Variants in PDE7A observed in about 807,000 individuals in gnomAD.
PDE7A encodes high affinity 3',5'-cyclic-AMP phosphodiesterase 7A.
PDE7A carries 39 observed loss-of-function variants against 64.3 expected under a neutral mutation model. That is an observed-to-expected ratio of 0.61 (90% CI 0.47 to 0.79). PDE7A has a LOEUF of 0.79. Ranked by LOEUF, PDE7A falls within the 30% of genes least tolerant of loss-of-function variation. The pLI is 0.00. For synonymous variants in PDE7A, 203 were observed against 206.8 expected (o/e 0.98, Z 0.16); for missense variants, 470 against 582.8 (o/e 0.81, Z 1.99).
At chr8:65,750,017 G>C (rs1390705849) in intron 3 of PDE7A, among the ~76,000 whole-genome samples, 1 of 77,980 alleles carries the variant, frequency 1.3e-5, no homozygotes, top group Non-Finnish European at 2.5e-5. Flanking sequence ...GGACATAATA[G>C]CATGGCATGA....
At chr8:65,800,684 T>C (rs1161512090) in intron 1 of PDE7A, among the ~76,000 whole-genome samples, 2 of 152,150 alleles carry the variant, frequency 1.3e-5, no homozygotes, top group Non-Finnish European at 2.9e-5. Context: ...CACACATACA[T>C]ACCAGTAACA....
chr8:65,758,848 C>G (rs1361024383), intron 3 of PDE7A, among the ~76,000 whole-genome samples: 1 of 152,180 alleles, frequency 6.6e-6, no homozygotes, highest in African/African-American at 2.4e-5. Flanking sequence ...TCAGGTCTAT[C>G]CCATCTGTAG....
intron 1 of PDE7A, among the ~76,000 whole-genome samples, chr8:65,816,800 C>T (rs1384981547): frequency 6.6e-6 from 1 of 152,170 alleles, no homozygotes; most frequent in African/African-American, 2.4e-5. Flanking sequence ...AGGAGTTTGA[C>T]TATGTCTAGG....
intron 12 of PDE7A, chr8:65,722,042 C>T (rs1296440587): frequency 6.6e-6 from 1 of 152,180 alleles, no homozygotes; most frequent in African/African-American, 2.4e-5. Flanking sequence ...CAGCCCGCCT[C>T]GGCTTCCCAA....
chr8:65,827,716 T>C (rs981965929), intron 1 of PDE7A, among the ~76,000 whole-genome samples: 5 of 152,184 alleles, frequency 3.3e-5, no homozygotes, highest in African/African-American at 1.2e-4. Context: ...ACTTCCTACA[T>C]ATTTAGTACA....
rs1342908715 is a variant in PDE7A, at chr8:65,727,068, A to G, written c.828+102T>C. On this transcript the variant is annotated intron_variant, in intron 8 of 12. Transcript: ENST00000401827. ...CAATATTAATCTGGTTAAAATTCTA[A>G]CATTCATTGAGAATTTATTTTCATT... 5.0e-6 allele frequency: 5 copies of G among 995,292 alleles called. No individual in the cohort carries two copies. In the African/African-American group the frequency reaches 8.1e-5, roughly 16 times the overall value. The allele number at this position is 995,292 out of a possible 1,614,324, so 61.7% of individuals were successfully genotyped here. A position where few individuals can be genotyped will look rare whatever the true frequency, so the allele number is the denominator to read the frequency against.
chr8:65,739,097 C>G (rs560237524), intron 6 of PDE7A, among the ~76,000 whole-genome samples: 1 of 152,354 alleles, frequency 6.6e-6, no homozygotes, highest in African/African-American at 2.4e-5. Context: ...CCTGCCACTA[C>G]TGTTTGAACC....
chr8:65,841,430 T>C lies in PDE7A; in HGVS notation c.79A>G (p.Ile27Val). 6.4e-7 allele frequency: 1 copy of C among 1,564,326 alleles called. No homozygotes were observed. The highest frequency in any genetic ancestry group is 8.6e-7 in the Non-Finnish European group (1 of 1,160,240). ...AGAGCGGAGCTGGAGCTGAAGCTGA[T>C]GGCTCCTCGGCGGCTGAGGACGTGC... The part of the protein sequence containing the change: ...PQHVLSRRGA[I>V]SFSSSSALFG... The change falls in exon 1 of 13, where the codon ATC becomes GTC. Residue 27 changes from isoleucine (I) to valine (V), a missense_variant. Physicochemically the swap from Ile to Val is conservative, Grantham distance 29. Transcript: ENST00000401827.
At chr8:65,811,377 G>T (rs1324381655) in intron 1 of PDE7A, among the ~76,000 whole-genome samples, 2 of 152,186 alleles carry the variant, frequency 1.3e-5, no homozygotes, top group African/African-American at 4.8e-5. Flanking sequence ...AACAAACACA[G>T]CCCTCCAGGG....
chr8:65,719,570 T>A, intron 12 of PDE7A, 75 bp from the exon 13 acceptor site: 1 of 933,096 alleles, frequency 1.1e-6, no homozygotes, highest in Non-Finnish European at 1.7e-6. Context: ...TATACAACAT[T>A]AACCTTCCTA....
At chr8:65,719,745 G>A (rs573065258) in intron 12 of PDE7A, 2 of 471,246 alleles carry the variant, frequency 4.2e-6, no homozygotes, top group East Asian at 7.3e-5. Context: ...AACCTTTTCT[G>A]GTTATCCTTC....
chr8:65,732,902 G>C (rs961143351), intron 7 of PDE7A, among the ~76,000 whole-genome samples: 1 of 151,880 alleles, frequency 6.6e-6, no homozygotes, highest in African/African-American at 2.4e-5. Context: ...AAGAGATGAG[G>C]TCTTGCTATG....
At chr8:65,806,883 C>A (rs1420606534) in intron 1 of PDE7A, among the ~76,000 whole-genome samples, 2 of 152,242 alleles carry the variant, frequency 1.3e-5, no homozygotes, top group East Asian at 3.8e-4. Flanking sequence ...ACTCTCAATT[C>A]TATTCCATTG....
intron 3 of PDE7A, among the ~76,000 whole-genome samples, chr8:65,755,760 T>C (rs1229663515): frequency 6.6e-6 from 1 of 152,266 alleles, no homozygotes; most frequent in Non-Finnish European, 1.5e-5. Flanking sequence ...TACCCTTTTA[T>C]GTCATCATAA....
chr8:65,835,927 T>C (rs1470389217), intron 1 of PDE7A, among the ~76,000 whole-genome samples: 1 of 152,234 alleles, frequency 6.6e-6, no homozygotes, highest in Non-Finnish European at 1.5e-5. Flanking sequence ...AAATACACTA[T>C]GGATTTACAT....
chr8:65,783,596 C>T (rs555665446), intron 1 of PDE7A, among the ~76,000 whole-genome samples: 2 of 152,318 alleles, frequency 1.3e-5, no homozygotes, highest in African/African-American at 4.8e-5. Context: ...TCCCCTTCCA[C>T]AGCTCCCTAC....
chr8:65,789,066 C>T (rs1317208057), intron 1 of PDE7A: 2 of 1,435,810 alleles, frequency 1.4e-6, no homozygotes, highest in African/African-American at 1.4e-5. Flanking sequence ...CTGCCTTGGA[C>T]CTCAAGCAGC....
chr8:65,838,030 TAAA>T (rs572753100), intron 1 of PDE7A, among the ~76,000 whole-genome samples: 2 of 143,270 alleles, frequency 1.4e-5, no homozygotes, highest in African/African-American at 2.6e-5. Context: ...AAATATTTCT[TAAA>T]AAAAAAAAAA....
intron 1 of PDE7A, chr8:65,789,039 AAG>A: frequency 6.5e-7 from 1 of 1,528,260 alleles, no homozygotes; most frequent in Non-Finnish European, 8.9e-7. Context: ...CCCGAGGCAA[AAG>A]AGAGGGGACA....
Sources: allele counts gnomAD v4.1 joint callset (sites outside exome capture counted in the v4.1 genomes callset), GRCh38; gene constraint gnomAD v4.1.1; transcripts MANE v1.5; gene names NCBI Gene and HGNC (gene_info 2026-07-23, HGNC 2026-07-21).